Variants in MEP1A observed in about 807,000 individuals in gnomAD.
MEP1A encodes the protein meprin A subunit alpha, also known as N-benzoyl-L-tyrosyl-P-amino-benzoic acid hydrolase subunit alpha.
Under a neutral mutation model 84.5 loss-of-function variants are expected in MEP1A, and 68 were observed. That is an observed-to-expected ratio of 0.80 (90% CI 0.66 to 0.98). The LOEUF (loss-of-function observed/expected upper bound fraction) is 0.98, where lower values mean the gene tolerates loss of function less well. MEP1A is among the 50% of genes least tolerant of loss of function. The pLI is 0.00. For missense variants in MEP1A, 887 were observed against 919.9 expected (o/e 0.96, Z 0.46); for synonymous variants, 337 against 336.8 (o/e 1.00, Z -0.01).
At chr6:46,831,621 A>C (rs1768077511) in intron 10 of MEP1A, among the ~76,000 whole-genome samples, 1 of 152,206 alleles carries the variant, frequency 6.6e-6, no homozygotes, top group South Asian at 2.1e-4. Flanking sequence ...TCCCAGTGCC[A>C]GATTCCCCCA....
chr6:46,802,711 G>A (rs10080957), intron 5 of MEP1A, among the ~76,000 whole-genome samples: 2,178 of 151,870 alleles, frequency 0.014, 45 homozygotes, highest in African/African-American at 0.049. Flanking sequence ...TTCCACAGAT[G>A]CCCTTTGTCA....
intron 9 of MEP1A, among the ~76,000 whole-genome samples, chr6:46,828,178 A>G (rs937240235): frequency 6.6e-6 from 1 of 151,308 alleles, no homozygotes; most frequent in Non-Finnish European, 1.5e-5. Context: ...TTCATAATAC[A>G]CCTGGGCAAG....
rs778304533 is a variant in MEP1A at position 46,826,445 on chromosome 6, C to G, written c.870C>G (p.Ala290=). 5 of 1,607,266 alleles carry G rather than the reference C, an allele frequency of 3.1e-6. No homozygotes were observed. Among genetic ancestry groups the G allele is most frequent in the Non-Finnish European group, 4.2e-6 (5 of 1,176,754 alleles). ...IQGTRDDTDW[A]HQDSAQAGEV... is the part of the protein sequence containing the mutation. ...GCACCAGAGATGACACTGACTGGGC[C>G]CATCAGGACAGTGCTCAGGCTGGAG... The change falls in exon 9 of 14, where the codon GCC becomes GCG. Residue 290 remains alanine, a synonymous_variant. Transcript: ENST00000230588.
chr6:46,810,217 G>A lies in MEP1A; in HGVS notation c.380+680G>A, dbSNP rs1015470450. Reference sequence around the variant, plus strand: ...TTGATTTGTGTTTCCCTGATAATTAGTAATGTTGAACATGTTTTCATATGC... The same window carrying A: ...TTGATTTGTGTTTCCCTGATAATTAATAATGTTGAACATGTTTTCATATGC... On this transcript the variant is annotated intron_variant, in intron 6 of 13. Transcript: ENST00000230588. Among the ~76,000 whole-genome samples the A allele has an allele frequency of 3.3e-5, 5 of 152,034 alleles. No homozygotes were observed. In the South Asian group the frequency reaches 8.3e-4, roughly 25 times the overall value.
intron 6 of MEP1A, 37 bp downstream of exon 6, chr6:46,809,574 A>T (rs745637583): frequency 1.4e-6 from 2 of 1,388,206 alleles, no homozygotes; most frequent in Admixed American, 1.8e-5. Flanking sequence ...AATCATGCAT[A>T]CTTTGGTTCG....
At position 46,799,086 on chromosome 6, in the gene MEP1A, C is replaced by T; in HGVS notation, c.187-20C>T. 6.3e-7 allele frequency: 1 copy of T among 1,583,138 alleles called. No homozygotes were observed. Among genetic ancestry groups the T allele is most frequent in the Admixed American group, 1.7e-5 (1 of 59,962 alleles). On this transcript the variant is annotated intron_variant, in intron 4 of 13. Transcript: ENST00000230588. ...CTTGAGGACTAGGCTTCCCACTCAC[C>T]TTTACCTTTGTTTTCACAGAAATCC...
intron 5 of MEP1A, among the ~76,000 whole-genome samples, chr6:46,800,446 G>A (rs534885457): frequency 6.6e-6 from 1 of 152,218 alleles, no homozygotes; most frequent in South Asian, 2.1e-4. Context: ...TGGTCCCCAC[G>A]CAGACCACAG....
At position 46,833,183 on chromosome 6, in the gene MEP1A, A is replaced by C; in HGVS notation, c.1254A>C (p.Gly418=). ...TKGDPQNSTG[G]IYLDDITLTE... ...GCGACCCTCAGAACTCAACTGGGGG[A>C]ATTTACCTAGATGACATCACTCTGA... is the stretch of plus-strand genomic sequence containing the variant. Residue 418 remains glycine (G), a synonymous_variant, in exon 11 of 14, where the codon GGA becomes GGC. Transcript: ENST00000230588. 1.2e-6 allele frequency: 2 copies of C among 1,608,574 alleles called. No individual in the cohort carries two copies. Among genetic ancestry groups the C allele is most frequent in the East Asian group, 2.2e-5 (1 of 44,782 alleles).
chr6:46,803,720 A>C (rs1038002046), intron 5 of MEP1A, among the ~76,000 whole-genome samples: 2 of 138,914 alleles, frequency 1.4e-5, no homozygotes, highest in Admixed American at 7.4e-5. Flanking sequence ...ATATTCTACA[A>C]CATGGCTACT....
At chr6:46,820,077 G>T (rs541198419) in intron 7 of MEP1A, among the ~76,000 whole-genome samples, 4 of 152,306 alleles carry the variant, frequency 2.6e-5, no homozygotes, top group African/African-American at 7.2e-5. Context: ...CTAGAAGGCT[G>T]TTTGAGGTTT....
intron 6 of MEP1A, among the ~76,000 whole-genome samples, chr6:46,816,850 G>A (rs918411526): frequency 2.6e-5 from 4 of 152,086 alleles, no homozygotes; most frequent in Non-Finnish European, 4.4e-5. Context: ...GACTCAGCAG[G>A]GGCAGCCATA....
At chr6:46,817,609 G>A (rs956332509) in intron 6 of MEP1A, among the ~76,000 whole-genome samples, 1 of 152,082 alleles carries the variant, frequency 6.6e-6, no homozygotes, top group Non-Finnish European at 1.5e-5. Context: ...CCATTCTTCA[G>A]CTACCACTTT....
At chr6:46,831,615 A>C (rs1286502067) in intron 10 of MEP1A, among the ~76,000 whole-genome samples, 1 of 152,200 alleles carries the variant, frequency 6.6e-6, no homozygotes, top group Non-Finnish European at 1.5e-5. Context: ...TCTCCTTCCC[A>C]GTGCCAGATT....
rs754938190 is a variant in MEP1A at position 46,835,422 on chromosome 6, C to T, written c.1957C>T (p.Arg653Trp). ...LSQGQPSRQK[R>W]SVENTGPLED... ...CCAGGGGCAGCCCAGCCGACAGAAG[C>T]GGTCGGTGGAGAACACAGGCCCCCT... Residue 653 changes from arginine (R) to tryptophan (W), a missense_variant, in exon 13 of 14, where the codon CGG becomes TGG. Transcript: ENST00000230588. 2.0e-5 allele frequency: 32 copies of T among 1,611,772 alleles called. No individual in the cohort carries two copies. Among genetic ancestry groups the T allele is most frequent in the African/African-American group, 4.0e-5 (3 of 74,896 alleles).
chr6:46,818,635 G>A (rs1767695679), intron 6 of MEP1A, among the ~76,000 whole-genome samples: 2 of 152,168 alleles, frequency 1.3e-5, no homozygotes, highest in Admixed American at 1.3e-4. Context: ...CGAGCCCACT[G>A]ATTTCAGAGG....
chr6:46,817,471 G>A lies in MEP1A; in HGVS notation c.381-2058G>A, dbSNP rs577363046. ...GGCCTTGCAAAGACCACACATTTTAGGGCCTCTCTGCTTTTGACTACTGCA... is the reference window on the plus strand; with the variant it reads ...GGCCTTGCAAAGACCACACATTTTAAGGCCTCTCTGCTTTTGACTACTGCA... On this transcript the variant is annotated intron_variant, in intron 6 of 13. Transcript: ENST00000230588. Among the ~76,000 whole-genome samples, 12 of 152,262 alleles carry A rather than the reference G, an allele frequency of 7.9e-5. No individual in the cohort carries two copies. In the East Asian group the frequency reaches 2.3e-3, roughly 29 times the overall value.
chr6:46,798,457 C>T (rs549348728), intron 3 of MEP1A, 149 bp from the exon 4 acceptor site: 1 of 667,518 alleles, frequency 1.5e-6, no homozygotes, highest in East Asian at 2.7e-5. Flanking sequence ...ATTTGCTTAA[C>T]TGGAATTTTT....
intron 6 of MEP1A, 71 bp downstream of exon 6, chr6:46,809,608 C>A: frequency 2.1e-6 from 2 of 945,246 alleles, no homozygotes; most frequent in Non-Finnish European, 1.7e-6. Context: ...TTCCCCGAGT[C>A]CCCAAAGTCC....
Position 46,824,785 on chromosome 6 carries a change from A to G in MEP1A, c.557-487A>G, listed in dbSNP as rs1389964473. On this transcript the variant is annotated intron_variant, in intron 7 of 13. Coordinates refer to ENST00000230588, the MANE Select transcript of MEP1A (RefSeq NM_005588.3). ...ATATATAAATTATGTATTTAAATAG[A>G]TGTATTTAAATATATATAAATGATG... is the stretch of plus-strand genomic sequence containing the variant. Among the ~76,000 whole-genome samples the G allele has an allele frequency of 1.2e-3, 78 of 67,524 alleles. 3 individuals are homozygous for G. The highest frequency in any genetic ancestry group is 2.5e-3 in the Non-Finnish European group (73 of 29,396). The allele number at this position is 67,524 out of a possible 152,430, so 44.3% of individuals were successfully genotyped here.
Sources: gnomAD v4.1 joint callset for allele counts (sites outside exome capture counted in the v4.1 genomes callset) on GRCh38, gnomAD v4.1.1 for gene constraint, MANE v1.5 for transcripts, NCBI Gene and HGNC (gene_info 2026-07-23, HGNC 2026-07-21) for gene names.